KCNH7: variants seen among roughly 807,000 people sequenced by gnomAD.
KCNH7 encodes the protein potassium voltage-gated channel subfamily H member 7, also known as voltage-gated inwardly rectifying potassium channel KCNH7.
KCNH7 carries 49 observed loss-of-function variants against 120.8 expected under a neutral mutation model. The observed-to-expected ratio is 0.41, with a 90% confidence interval of 0.32 to 0.51. The LOEUF (loss-of-function observed/expected upper bound fraction) is 0.51. Among genes scored for constraint, KCNH7 ranks in the 20% least tolerant of loss-of-function variants. KCNH7 has a pLI of 0.38. For synonymous variants in KCNH7, 547 were observed against 516.1 expected, an observed-to-expected ratio of 1.06 and a Z score of -0.81; for missense variants, 1,097 against 1,446.6, an observed-to-expected ratio of 0.76 and a Z score of 3.92.
At chr2:162,621,960 T>C (rs959226926) in intron 2 of KCNH7, among the ~76,000 whole-genome samples, 3 of 152,218 alleles carry the variant, frequency 2.0e-5, no homozygotes, top group Non-Finnish European at 4.4e-5. Context: ...AAGGGTAGTT[T>C]CCTTTTGCCA....
chr2:162,516,380 A>G (rs532527595), intron 4 of KCNH7, among the ~76,000 whole-genome samples: 2 of 151,930 alleles, frequency 1.3e-5, no homozygotes, highest in East Asian at 3.9e-4. Flanking sequence ...TAGTGTAAGG[A>G]GAGACAAAGC....
At chr2:162,533,757 C>T (rs1692012981) in intron 3 of KCNH7, among the ~76,000 whole-genome samples, 1 of 151,408 alleles carries the variant, frequency 6.6e-6, no homozygotes, top group South Asian at 2.1e-4. Context: ...TTCTTAAATC[C>T]AAGACATATC....
At chr2:162,749,877 T>C (rs1385717943) in intron 2 of KCNH7, among the ~76,000 whole-genome samples, 3 of 151,930 alleles carry the variant, frequency 2.0e-5, no homozygotes, top group African/African-American at 7.3e-5. Flanking sequence ...CTGCTGAGAG[T>C]TGGGTAAAGC....
At chr2:162,433,416 G>A (rs1573952426) in intron 8 of KCNH7, among the ~76,000 whole-genome samples, 2 of 152,096 alleles carry the variant, frequency 1.3e-5, no homozygotes, top group East Asian at 1.9e-4. Context: ...GCATGGTACT[G>A]GTACAAAAAC....
Position 162,371,425 on chromosome 2 carries a change from GAA to G in KCNH7, c.*402_*403del, listed in dbSNP as rs1480889962. On this transcript the variant is annotated 3_prime_UTR_variant, in exon 16 of 16. Coordinates refer to ENST00000332142, the MANE Select transcript of KCNH7 (RefSeq NM_033272.4). ...AATTCCCATGAGTTGAGGATCATCT[GAA>G]TTTGAGTTGCATCCATGAACAGTTT... 1.0e-4 allele frequency: 130 copies of G among 1,287,790 alleles called. No homozygotes were observed. The highest frequency in any genetic ancestry group is 1.3e-4 in the Non-Finnish European group (126 of 988,344). The allele number at this position is 1,287,790 out of a possible 1,614,324, so 79.8% of individuals were successfully genotyped here.
intron 2 of KCNH7, among the ~76,000 whole-genome samples, chr2:162,752,948 GA>G (rs1688630721): frequency 1.9e-5 from 2 of 103,250 alleles, no homozygotes; most frequent in Non-Finnish European, 3.4e-5. Flanking sequence ...GAAAAGAAAA[GA>G]AAAGAAAAGA....
intron 2 of KCNH7, among the ~76,000 whole-genome samples, chr2:162,546,780 C>T (rs771410750): frequency 6.6e-5 from 10 of 151,884 alleles, no homozygotes; most frequent in Non-Finnish European, 1.5e-4. Flanking sequence ...GGGTTAGGTA[C>T]TACTGTGTAA....
intron 6 of KCNH7, among the ~76,000 whole-genome samples, chr2:162,500,977 A>T (rs1446972402): frequency 1.3e-5 from 2 of 152,130 alleles, no homozygotes; most frequent in Admixed American, 1.3e-4. Context: ...GAAGTATGTA[A>T]TCCTATAAAT....
intron 6 of KCNH7, among the ~76,000 whole-genome samples, chr2:162,496,214 T>C (rs1348978780): frequency 6.6e-6 from 1 of 152,062 alleles, no homozygotes; most frequent in Non-Finnish European, 1.5e-5. Flanking sequence ...CCAACAGCCG[T>C]TGGGGGTCTC....
intron 3 of KCNH7, among the ~76,000 whole-genome samples, chr2:162,531,036 G>A (rs1372542736): frequency 6.6e-6 from 1 of 151,862 alleles, no homozygotes. Context: ...ATGGGCCTTT[G>A]TAATGCTCTG....
At chr2:162,809,152 T>C (rs1435467379) in intron 2 of KCNH7, among the ~76,000 whole-genome samples, 1 of 152,208 alleles carries the variant, frequency 6.6e-6, no homozygotes, top group Non-Finnish European at 1.5e-5. Context: ...TAACATTAAA[T>C]ATATACTGTG....
intron 6 of KCNH7, among the ~76,000 whole-genome samples, chr2:162,472,223 C>A (rs1388825460): frequency 3.9e-5 from 6 of 152,094 alleles, no homozygotes; most frequent in Non-Finnish European, 7.4e-5. Flanking sequence ...GCAACAAAAG[C>A]CAAAATTGAC....
chr2:162,565,230 A>T (rs1378974001), intron 2 of KCNH7, among the ~76,000 whole-genome samples: 1 of 152,084 alleles, frequency 6.6e-6, no homozygotes, highest in Non-Finnish European at 1.5e-5. Flanking sequence ...TATTTTTTAC[A>T]CAACATTTAG....
At chr2:162,396,070 T>C (rs544721425) in intron 11 of KCNH7, among the ~76,000 whole-genome samples, 1 of 151,862 alleles carries the variant, frequency 6.6e-6, no homozygotes, top group South Asian at 2.1e-4. Context: ...TTTATAGCCA[T>C]AGAACAGTAA....
At chr2:162,732,058 T>G (rs13019035) in intron 2 of KCNH7, among the ~76,000 whole-genome samples, 3,226 of 152,144 alleles carry the variant, frequency 0.021, 70 homozygotes, top group East Asian at 0.11. Context: ...TGAAGGGGCT[T>G]TCTAGGGATA....
chr2:162,721,378 T>G (rs1687321189), intron 2 of KCNH7, among the ~76,000 whole-genome samples: 1 of 152,130 alleles, frequency 6.6e-6, no homozygotes, highest in Non-Finnish European at 1.5e-5. Context: ...GAAAGACATC[T>G]GAAATCAGAA....
At chr2:162,669,992 C>T (rs963692832) in intron 2 of KCNH7, among the ~76,000 whole-genome samples, 23 of 151,906 alleles carry the variant, frequency 1.5e-4, no homozygotes, top group Admixed American at 1.4e-3. Context: ...CCCAGCTACT[C>T]GGGAGGCTGA....
At chr2:162,453,309 C>T (rs1688835656) in intron 6 of KCNH7, among the ~76,000 whole-genome samples, 3 of 152,118 alleles carry the variant, frequency 2.0e-5, no homozygotes, top group Non-Finnish European at 4.4e-5. Context: ...TTTTTTATGG[C>T]TGCATAGTAT....
chr2:162,408,625 G>A (rs1052288299), intron 9 of KCNH7, among the ~76,000 whole-genome samples: 2 of 151,708 alleles, frequency 1.3e-5, no homozygotes, highest in Non-Finnish European at 2.9e-5. Flanking sequence ...GTGTAAAGAA[G>A]GAAAACACTA....
Sources: allele counts gnomAD v4.1 joint callset (sites outside exome capture counted in the v4.1 genomes callset), GRCh38; gene constraint gnomAD v4.1.1; transcripts MANE v1.5; gene names NCBI Gene and HGNC (gene_info 2026-07-23, HGNC 2026-07-21).